The following EPM2A variants were observed in gnomAD, a reference collection of about 807,000 sequenced individuals.
The protein encoded by EPM2A is EPM2A glucan phosphatase, laforin, also known as laforin.
EPM2A carries 21 observed loss-of-function variants against 26.5 expected under a neutral mutation model. The ratio of observed to expected loss-of-function variants is 0.79; its 90% confidence interval spans 0.56 to 1.14. The LOEUF is 1.14. EPM2A is among the 50% of genes most tolerant of loss of function. The pLI, the probability that EPM2A is intolerant of heterozygous loss-of-function variation, is 0.00. For synonymous variants in EPM2A, 217 were observed against 177.6 expected (o/e 1.22, Z -1.76); for missense variants, 458 against 440.8 (o/e 1.04, Z -0.35).
intron 1 of EPM2A, chr6:145,686,952 CCTG>C (rs1200251655): frequency 1.3e-5 from 2 of 153,522 alleles, no homozygotes; most frequent in Non-Finnish European, 2.9e-5. Context: ...TGTGATGCTC[CCTG>C]CTGATGTCAC....
intron 2 of EPM2A, among the ~76,000 whole-genome samples, chr6:145,586,073 C>T (rs1474503589): frequency 6.6e-6 from 1 of 152,032 alleles, no homozygotes; most frequent in Non-Finnish European, 1.5e-5. Flanking sequence ...TCAGCTTCAG[C>T]TTCATCTCTT....
intron 4 of EPM2A, among the ~76,000 whole-genome samples, chr6:145,401,909 A>G (rs1378409013): frequency 6.6e-6 from 1 of 152,120 alleles, no homozygotes; most frequent in African/African-American, 2.4e-5. Context: ...ATATAAATAA[A>G]TGAATAATAA....
intron 2 of EPM2A, among the ~76,000 whole-genome samples, chr6:145,612,164 G>A (rs1189298591): frequency 6.6e-6 from 1 of 152,114 alleles, no homozygotes; most frequent in Non-Finnish European, 1.5e-5. Flanking sequence ...ATTCATGAAT[G>A]TCAGCTTCTA....
rs185138189 is a variant in EPM2A at position 145,403,784 on chromosome 6, G to T, written c.556-19687C>A. Among the ~76,000 whole-genome samples, 284 of 152,264 alleles carry T rather than the reference G, an allele frequency of 1.9e-3. 4 individuals carry two copies. Among genetic ancestry groups the T allele is most frequent in the Admixed American group, 0.017 (258 of 15,274 alleles). ...CTTTCTTTTGTATATATACCCAGCA[G>T]TGGGATTGCTGGATCATGTGGTAGC... On this transcript the variant is annotated intron_variant, in intron 4 of 4. Transcript: ENST00000638717.
intron 1 of EPM2A, among the ~76,000 whole-genome samples, chr6:145,690,717 T>C (rs1324620150): frequency 6.6e-6 from 1 of 151,190 alleles, no homozygotes; most frequent in African/African-American, 2.4e-5. Context: ...GTGATAAAGA[T>C]TTTAAGGCCT....
chr6:145,387,791 C>T (rs532347649), intron 4 of EPM2A, among the ~76,000 whole-genome samples: 26 of 151,750 alleles, frequency 1.7e-4, no homozygotes, highest in Admixed American at 7.2e-4. Context: ...ATGAAATCAC[C>T]GTAGATGAGA....
chr6:145,626,398 C>A lies in EPM2A; in HGVS notation c.*1018G>T. 1.0e-6 allele frequency: 1 copy of A among 985,888 alleles called. No homozygotes were observed. The highest frequency in any genetic ancestry group is 1.2e-6 in the Non-Finnish European group (1 of 829,984). The allele number at this position is 985,888 out of a possible 1,614,324, so 61.1% of individuals were successfully genotyped here. ...TTTGGGCTCTTTTGGTAGTATAGTT[C>A]CTCTCATGAATTTCCACTCTGGTCT... On this transcript the variant is annotated 3_prime_UTR_variant, in exon 4 of 4. Transcript: ENST00000367519.
Position 145,625,739 on chromosome 6 carries a change from A to G in EPM2A, c.*1677T>C. 1.0e-6 allele frequency: 1 copy of G among 953,858 alleles called. No individual in the cohort carries two copies. The highest frequency in any genetic ancestry group is 1.7e-6 in the Non-Finnish European group (1 of 579,164). The allele number at this position is 953,858 out of a possible 1,614,324, so 59.1% of individuals were successfully genotyped here. A position where few individuals can be genotyped will look rare whatever the true frequency, so the allele number is the denominator to read the frequency against. On this transcript the variant is annotated 3_prime_UTR_variant, in exon 4 of 4. Transcript: ENST00000367519. ...TGGCTAGCTGCCTCTGCCCAAAGCA[A>G]ATGTCATCTCCCCTAAGTGCCACAG...
chr6:145,560,182 C>T (rs1474980638), intron 2 of EPM2A, among the ~76,000 whole-genome samples: 1 of 151,996 alleles, frequency 6.6e-6, no homozygotes, highest in East Asian at 1.9e-4. Context: ...AACAATTTGC[C>T]TCAATGATAA....
intron 2 of EPM2A, among the ~76,000 whole-genome samples, chr6:145,522,574 T>C (rs1237679249): frequency 6.6e-6 from 1 of 152,190 alleles, no homozygotes; most frequent in East Asian, 1.9e-4. Context: ...CCAGTTTCAC[T>C]CCTGCAGGCT....
intron 1 of EPM2A, among the ~76,000 whole-genome samples, chr6:145,724,962 T>G (rs1379799095): frequency 6.6e-6 from 1 of 151,708 alleles, no homozygotes; most frequent in African/African-American, 2.4e-5. Flanking sequence ...AAAAGCATAA[T>G]CCATGAAAGA....
At chr6:145,612,532 C>G (rs1363391043) in intron 2 of EPM2A, among the ~76,000 whole-genome samples, 1 of 151,910 alleles carries the variant, frequency 6.6e-6, no homozygotes, top group Non-Finnish European at 1.5e-5. Flanking sequence ...TGGGAGAATA[C>G]TGTGAAATGT....
At chr6:145,722,146 G>C (rs1775979480) in intron 1 of EPM2A, among the ~76,000 whole-genome samples, 1 of 152,132 alleles carries the variant, frequency 6.6e-6, no homozygotes, top group Non-Finnish European at 1.5e-5. Context: ...ATTTTAGTCT[G>C]GCATAATTTT....
At chr6:145,435,057 C>A (rs1179587303) in intron 4 of EPM2A, among the ~76,000 whole-genome samples, 1 of 152,164 alleles carries the variant, frequency 6.6e-6, no homozygotes, top group Non-Finnish European at 1.5e-5. Context: ...CTCCCTGAGG[C>A]CTCCTCAGAA....
chr6:145,426,599 C>A (rs1778857531), intron 4 of EPM2A, among the ~76,000 whole-genome samples: 1 of 152,122 alleles, frequency 6.6e-6, no homozygotes, highest in Non-Finnish European at 1.5e-5. Context: ...AATATACATA[C>A]CTGTATACAG....
At chr6:145,658,121 T>A (rs186713725) in intron 2 of EPM2A, among the ~76,000 whole-genome samples, 32 of 152,298 alleles carry the variant, frequency 2.1e-4, no homozygotes, top group Admixed American at 1.6e-3. Context: ...CAAGACAATA[T>A]CTTTAAATAA....
At chr6:145,673,445 G>A (rs761663286) in intron 2 of EPM2A, among the ~76,000 whole-genome samples, 7 of 152,292 alleles carry the variant, frequency 4.6e-5, no homozygotes, top group East Asian at 1.9e-4. Context: ...TGCAGCCCAC[G>A]GAGGGTGAGC....
chr6:145,703,836 C>T (rs1049382810), intron 1 of EPM2A, among the ~76,000 whole-genome samples: 2 of 152,200 alleles, frequency 1.3e-5, no homozygotes, highest in African/African-American at 2.4e-5. Flanking sequence ...ACAAAGTTAA[C>T]TGATATGAAA....
intron 4 of EPM2A, among the ~76,000 whole-genome samples, chr6:145,426,387 C>G (rs756139955): frequency 4.6e-5 from 7 of 152,150 alleles, no homozygotes; most frequent in Non-Finnish European, 8.8e-5. Flanking sequence ...AGATTCGCAT[C>G]AAAATAATTT....
Sources: gnomAD v4.1 joint callset for allele counts (sites outside exome capture counted in the v4.1 genomes callset) on GRCh38, gnomAD v4.1.1 for gene constraint, MANE v1.5 for transcripts, NCBI Gene and HGNC (gene_info 2026-07-23, HGNC 2026-07-21) for gene names.